GRIK3: variants seen among roughly 807,000 people sequenced by gnomAD.
GRIK3 encodes the protein glutamate receptor ionotropic, kainate 3.
GRIK3 carries 29 observed loss-of-function variants against 102.5 expected under a neutral mutation model. That is an observed-to-expected ratio of 0.28 (90% CI 0.21 to 0.39). The LOEUF (loss-of-function observed/expected upper bound fraction) is 0.39, where lower values mean the gene tolerates loss of function less well. GRIK3 is among the 10% of genes least tolerant of loss of function. GRIK3 has a pLI of 1.00. For synonymous variants in GRIK3, 511 were observed against 504.9 expected (o/e 1.01, Z -0.16); for missense variants, 908 against 1,252.4 (o/e 0.73, Z 4.15).
At chr1:36,857,239 C>T (rs776315705) in intron 7 of GRIK3, among the ~76,000 whole-genome samples, 7 of 152,260 alleles carry the variant, frequency 4.6e-5, no homozygotes, top group Admixed American at 6.5e-5. Flanking sequence ...CCTGGGACAC[C>T]GACACCCTCA....
chr1:36,939,288 T>A (rs1641694849), intron 1 of GRIK3, among the ~76,000 whole-genome samples: 1 of 152,140 alleles, frequency 6.6e-6, no homozygotes, highest in Non-Finnish European at 1.5e-5. Flanking sequence ...TCCTGCAGGG[T>A]GCTGCAAGGG....
chr1:36,919,448 G>A (rs1469527808), intron 1 of GRIK3, among the ~76,000 whole-genome samples: 1 of 151,820 alleles, frequency 6.6e-6, no homozygotes, highest in Non-Finnish European at 1.5e-5. Context: ...GTATACATGT[G>A]CCATGCTGGT....
chr1:37,020,316 C>CCCATCA (rs1244164588), intron 1 of GRIK3, among the ~76,000 whole-genome samples: 1 of 152,142 alleles, frequency 6.6e-6, no homozygotes, highest in African/African-American at 2.4e-5. Flanking sequence ...ACATTTAATT[C>CCCATCA]CCATCACCTG....
rs747127451 is a variant in GRIK3, at chr1:36,880,737, G to A, written c.447C>T (p.Tyr149=). 24 of 1,614,046 alleles carry A rather than the reference G, an allele frequency of 1.5e-5. No homozygotes were observed. The highest frequency in any genetic ancestry group is 9.9e-5 in the South Asian group (9 of 91,088). The change falls in exon 3 of 16, where the codon TAC becomes TAT. Residue 149 remains tyrosine (Y), a synonymous_variant. Transcript: ENST00000373091. The surrounding 1 kb of genome is among the most constrained non-coding windows in gnomAD (Gnocchi z 5.4). ...HHPLDNKDTF[Y]VNLYPDYASL... ...AGGCGTAGTCGGGGTAGAGGTTCAC[G>A]TAGAAGGTGTCCTTGTTGTCCAGCG...
intron 1 of GRIK3, among the ~76,000 whole-genome samples, chr1:36,957,912 C>A (rs574248969): frequency 1.3e-5 from 1 of 76,188 alleles, no homozygotes; most frequent in East Asian, 4.6e-4. Context: ...TGAGTCTGTG[C>A]CCCGTGAGCC....
At chr1:36,835,078 C>T (rs1479764008) in intron 10 of GRIK3, among the ~76,000 whole-genome samples, 1 of 152,228 alleles carries the variant, frequency 6.6e-6, no homozygotes, top group Non-Finnish European at 1.5e-5. Flanking sequence ...TCATTGTTTG[C>T]CCCCGGAGGG....
rs572158711 is a variant in GRIK3 at position 36,874,025 on chromosome 1, T to C, written c.551-1656A>G. On this transcript the variant is annotated intron_variant, in intron 3 of 15. Transcript: ENST00000373091. ...AATGGTGCCTGAAGCTAAAATTAGC[T>C]CCAAACTTTCCAGTAAAGGAAACCA... Among the ~76,000 whole-genome samples, 315 of 152,218 alleles carry C rather than the reference T, an allele frequency of 2.1e-3. 3 individuals are homozygous for C. Among genetic ancestry groups the C allele is most frequent in the Non-Finnish European group, 3.5e-4 (24 of 67,994 alleles).
Position 36,806,025 on chromosome 1 carries a change from C to A in GRIK3, c.2314+79G>T. 1 of 827,378 alleles carries A rather than the reference C, an allele frequency of 1.2e-6. No individual in the cohort carries two copies. The allele number at this position is 827,378 out of a possible 1,614,324, so 51.3% of individuals were successfully genotyped here. On this transcript the variant is annotated intron_variant, in intron 14 of 15. Transcript: ENST00000373091. The surrounding 1 kb of genome is among the most constrained non-coding windows in gnomAD (Gnocchi z 4.0). ...CAGCCCCATGGAATGAGCTGTGAGA[C>A]GGAGTGTGAGGGGACGCGGGGGTGG...
At chr1:37,014,932 T>A (rs1642638189) in intron 1 of GRIK3, among the ~76,000 whole-genome samples, 1 of 112,934 alleles carries the variant, frequency 8.9e-6, no homozygotes, top group Non-Finnish European at 1.8e-5. Context: ...TCTCTGTTTT[T>A]GTCTCTCTCT....
intron 13 of GRIK3, among the ~76,000 whole-genome samples, chr1:36,816,786 T>C (rs1642636417): frequency 6.6e-6 from 1 of 152,154 alleles, no homozygotes; most frequent in Non-Finnish European, 1.5e-5. Context: ...TCTTCATCTG[T>C]CTCCCTCTGA....
At chr1:36,888,817 G>GT (rs1410676728) in intron 2 of GRIK3, among the ~76,000 whole-genome samples, 1 of 152,038 alleles carries the variant, frequency 6.6e-6, no homozygotes. Flanking sequence ...AAGCCTTCCT[G>GT]CTTGTACCAC....
Position 36,801,021 on chromosome 1 carries a change from G to A in GRIK3, c.*830C>T, listed in dbSNP as rs186393092. ...TTTCCTCTGCTGGGCTTCAAATACC[G>A]GCTGCATCTTTGGGCATCCTTTGTG... is the stretch of plus-strand genomic sequence containing the variant. On this transcript the variant is annotated 3_prime_UTR_variant, in exon 16 of 16. Coordinates refer to ENST00000373091, the MANE Select transcript of GRIK3 (RefSeq NM_000831.4). The A allele has an allele frequency of 3.3e-4, 51 of 152,294 alleles. No individual in the cohort carries two copies. The highest frequency in any genetic ancestry group is 1.1e-3 in the African/African-American group (47 of 41,566). The allele number at this position is 152,294 out of a possible 1,614,324, so 9.4% of individuals were successfully genotyped here.
chr1:37,011,299 G>A (rs916195402), intron 1 of GRIK3, among the ~76,000 whole-genome samples: 1 of 152,176 alleles, frequency 6.6e-6, no homozygotes, highest in Non-Finnish European at 1.5e-5. Flanking sequence ...ATGAGATGAT[G>A]ATGATACTAG....
rs1002512790 is a variant in GRIK3, at chr1:36,923,217, C to T, written c.116-32121G>A. Among the ~76,000 whole-genome samples the T allele has an allele frequency of 2.6e-5, 4 of 152,310 alleles. No individual in the cohort carries two copies. The South Asian group carries it at 6.2e-4, about 24-fold the overall frequency. On this transcript the variant is annotated intron_variant, in intron 1 of 15. Transcript: ENST00000373091. Reference sequence around the variant, plus strand: ...AATGTACGTATCAGCGCTTTGCCCACAGCAAATGAGGAATTAATGGAATAT... The same window carrying T: ...AATGTACGTATCAGCGCTTTGCCCATAGCAAATGAGGAATTAATGGAATAT...
chr1:36,926,031 C>T (rs1641523366), intron 1 of GRIK3, among the ~76,000 whole-genome samples: 1 of 152,204 alleles, frequency 6.6e-6, no homozygotes, highest in Admixed American at 6.5e-5. Flanking sequence ...TCACTAACTC[C>T]CAAGGTCACT....
At chr1:36,996,682 G>A (rs1003214950) in intron 1 of GRIK3, among the ~76,000 whole-genome samples, 7 of 152,284 alleles carry the variant, frequency 4.6e-5, no homozygotes, top group South Asian at 4.1e-4. Flanking sequence ...CCCACCGGGC[G>A]CTTTCCTCAT....
chr1:36,859,031 C>T (rs1319401861), intron 7 of GRIK3, 77 bp downstream of exon 7: 2 of 1,277,716 alleles, frequency 1.6e-6, no homozygotes, highest in Non-Finnish European at 2.2e-6. Flanking sequence ...TCCTTCCTGA[C>T]TCCCAGACCA....
At chr1:36,835,257 C>G (rs1640362491) in intron 10 of GRIK3, among the ~76,000 whole-genome samples, 1 of 152,250 alleles carries the variant, frequency 6.6e-6, no homozygotes, top group African/African-American at 2.4e-5. Flanking sequence ...GCCTGCCCAA[C>G]TGGCCACCTC....
chr1:36,925,989 A>G (rs756025585), intron 1 of GRIK3, among the ~76,000 whole-genome samples: 3 of 152,180 alleles, frequency 2.0e-5, no homozygotes, highest in Non-Finnish European at 2.9e-5. Flanking sequence ...GATGCTCTAG[A>G]TCAACGCCTC....
Sources: gnomAD v4.1 joint callset for allele counts (sites outside exome capture counted in the v4.1 genomes callset) on GRCh38, gnomAD v4.1.1 for gene constraint, Gnocchi (gnomAD v3.1) non-coding constraint, MANE v1.5 for transcripts, NCBI Gene and HGNC (gene_info 2026-07-23, HGNC 2026-07-21) for gene names.